Variants in CABP7 observed in about 807,000 individuals in gnomAD.
CABP7 encodes calcium-binding protein 7.
Under a neutral mutation model 23.1 loss-of-function variants are expected in CABP7, and 13 were observed. The observed-to-expected ratio is 0.56, with a 90% confidence interval of 0.37 to 0.90. The LOEUF (loss-of-function observed/expected upper bound fraction) is 0.90, where lower values mean the gene tolerates loss of function less well. Ranked by LOEUF, CABP7 falls within the 40% of genes least tolerant of loss-of-function variation. The probability of loss-of-function intolerance (pLI) is 0.01; values close to 1 mark genes in which losing one functional copy is unlikely to be tolerated. For synonymous variants in CABP7, 123 were observed against 115.3 expected (o/e 1.07, Z -0.43); for missense variants, 248 against 295.6 (o/e 0.84, Z 1.18).
chr22:29,727,571 T>A lies in CABP7; in HGVS notation c.110-91T>A. ...CTGGGTTGGGCTCTCAAGGCCATGC[T>A]CAGGCTGCAGGGTCGGTGATCCTGG... is the stretch of plus-strand genomic sequence containing the variant. On this transcript the variant is annotated intron_variant, in intron 1 of 4. Transcript: ENST00000216144. The surrounding 1 kb of genome is among the most constrained non-coding windows in gnomAD (Gnocchi z 4.2). The A allele has an allele frequency of 6.5e-7, 1 of 1,532,550 alleles. No individual in the cohort carries two copies. Among genetic ancestry groups the A allele is most frequent in the East Asian group, 2.3e-5 (1 of 44,084 alleles). 94.9% of individuals were successfully genotyped at this position (1,532,550 alleles called of 1,614,324 possible).
At chr22:29,729,341 C>T in intron 4 of CABP7, 101 bp from the exon 5 acceptor site, 3 of 1,576,416 alleles carry the variant, frequency 1.9e-6, no homozygotes, top group Non-Finnish European at 1.7e-6. Flanking sequence ...CATTGGGGCA[C>T]CCCATGGGAT....
rs754274299 is a variant in CABP7, at chr22:29,731,215, G to A, written c.*1646G>A. On this transcript the variant is annotated 3_prime_UTR_variant, in exon 5 of 5. Coordinates refer to ENST00000216144, the MANE Select transcript of CABP7 (RefSeq NM_182527.3). ...AGTGACCACGTGGGGGTCAGTCGGGGGCAAGGGGCTCAGCCCCACTGGACT... is the reference window on the plus strand; with the variant it reads ...AGTGACCACGTGGGGGTCAGTCGGGAGCAAGGGGCTCAGCCCCACTGGACT... 103 of 1,490,216 alleles carry A rather than the reference G, an allele frequency of 6.9e-5. No homozygotes were observed. Among genetic ancestry groups the A allele is most frequent in the Non-Finnish European group, 8.8e-5 (100 of 1,130,234 alleles). The allele number at this position is 1,490,216 out of a possible 1,614,324, so 92.3% of individuals were successfully genotyped here.
Position 29,727,712 on chromosome 22 carries a change from T to G in CABP7, c.160T>G (p.Ser54Ala). Residue 54 changes from serine to alanine, a missense_variant, in exon 2 of 5, where the codon TCC becomes GCC. Coordinates refer to ENST00000216144, the MANE Select transcript of CABP7 (RefSeq NM_182527.3). This position sits in a 1 kb window ranked among gnomAD's most constrained non-coding sequence, Gnocchi z 4.2. Reference sequence around the variant, plus strand: ...TGACCGTGACGGCAATGGCTTCATCTCCAAGCAGGAGCTGGGCACAGCCAT... The same window carrying G: ...TGACCGTGACGGCAATGGCTTCATCGCCAAGCAGGAGCTGGGCACAGCCAT... ...VFDRDGNGFI[S>A]KQELGTAMRS... 6.2e-7 allele frequency: 1 copy of G among 1,613,646 alleles called. No individual in the cohort carries two copies. Among genetic ancestry groups the G allele is most frequent in the East Asian group, 2.2e-5 (1 of 44,876 alleles).
rs1490143149 is a variant in CABP7 at position 29,730,394 on chromosome 22, A to G, written c.*825A>G. The stretch of plus-strand genomic sequence containing the variant: ...ACCCCAGCCTAGAGCCTAGAACTGT[A>G]GTCCAGCTGAGGAAGGAGGCAGAGC... On this transcript the variant is annotated 3_prime_UTR_variant, in exon 5 of 5. Transcript: ENST00000216144. 1.3e-5 allele frequency: 2 copies of G among 152,616 alleles called. No individual in the cohort carries two copies. The highest frequency in any genetic ancestry group is 2.4e-5 in the African/African-American group (1 of 41,454). 9.5% of individuals were successfully genotyped at this position (152,616 alleles called of 1,614,324 possible).
At chr22:29,724,609 C>T (rs1275801225) in intron 1 of CABP7, among the ~76,000 whole-genome samples, 1 of 152,118 alleles carries the variant, frequency 6.6e-6, no homozygotes, top group Admixed American at 6.5e-5. Flanking sequence ...TGCCTGAACC[C>T]GGCCTCTGTG....
In CABP7 at chr22:29,728,831, G is replaced by A. The variant is rs1601709190; in HGVS notation, c.366+89G>A. The A allele has an allele frequency of 2.7e-6, 3 of 1,105,212 alleles. No homozygotes were observed. In the South Asian group the frequency reaches 4.0e-5, roughly 15 times the overall value. The allele number at this position is 1,105,212 out of a possible 1,614,324, so 68.5% of individuals were successfully genotyped here. A position where few individuals can be genotyped will look rare whatever the true frequency, so the allele number is the denominator to read the frequency against. On this transcript the variant is annotated intron_variant, in intron 3 of 4. Transcript: ENST00000216144. Reference sequence around the variant, plus strand: ...GAATGGCTGGGCCCACACTGTAAAGGGGGGATGACCACTTCAGGCTTGTGT... The same window carrying A: ...GAATGGCTGGGCCCACACTGTAAAGAGGGGATGACCACTTCAGGCTTGTGT...
At chr22:29,726,608 C>G (rs894752362) in intron 1 of CABP7, among the ~76,000 whole-genome samples, 4 of 152,202 alleles carry the variant, frequency 2.6e-5, no homozygotes, top group African/African-American at 7.2e-5. Flanking sequence ...AGATACACAC[C>G]CTCTCTCACA....
Position 29,731,444 on chromosome 22 carries a change from T to C in CABP7, c.*1875T>C. 2 of 1,478,720 alleles carry C rather than the reference T, an allele frequency of 1.4e-6. No individual in the cohort carries two copies. The highest frequency in any genetic ancestry group is 1.8e-6 in the Non-Finnish European group (2 of 1,126,666). The allele number at this position is 1,478,720 out of a possible 1,614,324, so 91.6% of individuals were successfully genotyped here. A position where few individuals can be genotyped will look rare whatever the true frequency, so the allele number is the denominator to read the frequency against. On this transcript the variant is annotated 3_prime_UTR_variant, in exon 5 of 5. Transcript: ENST00000216144. The stretch of plus-strand genomic sequence containing the variant: ...AGCCCACCTGCCTCACCACCCTGGC[T>C]GTGGGGAGGGTCAGCTGCCTGCATG...
rs149749905 is a variant in CABP7 at position 29,727,790 on chromosome 22, C to T, written c.238C>T (p.Arg80Trp). 24 of 1,610,232 alleles carry T rather than the reference C, an allele frequency of 1.5e-5. No individual in the cohort carries two copies. The highest frequency in any genetic ancestry group is 4.4e-5 in the South Asian group (4 of 90,612). The part of the protein sequence containing the change: ...NEVELEVIIQ[R>W]LDMDGDGQVD... ...GGTGGAGCTGGAGGTCATCATCCAGCGGCTGGACATGGATGGTGAGCACCC... is the reference window on the plus strand; with the variant it reads ...GGTGGAGCTGGAGGTCATCATCCAGTGGCTGGACATGGATGGTGAGCACCC... Residue 80 changes from arginine (R) to tryptophan (W), a missense_variant, in exon 2 of 5, where the codon CGG becomes TGG. Transcript: ENST00000216144. This position sits in a 1 kb window ranked among gnomAD's most constrained non-coding sequence, Gnocchi z 4.2.
intron 1 of CABP7, among the ~76,000 whole-genome samples, chr22:29,721,806 A>G (rs990740570): frequency 6.6e-6 from 1 of 152,162 alleles, no homozygotes; most frequent in East Asian, 1.9e-4. Context: ...GCAAACCCTC[A>G]GAAGCGGGGA....
intron 1 of CABP7, among the ~76,000 whole-genome samples, chr22:29,725,392 G>A (rs1013556583): frequency 2.6e-5 from 4 of 152,278 alleles, no homozygotes; most frequent in South Asian, 4.1e-4. Context: ...AGAGAACTGC[G>A]TGCTTCAGAT....
At position 29,731,376 on chromosome 22, in the gene CABP7, G is replaced by A. The variant is rs2232904; in HGVS notation, c.*1807G>A. On this transcript the variant is annotated 3_prime_UTR_variant, in exon 5 of 5. Coordinates refer to ENST00000216144, the MANE Select transcript of CABP7 (RefSeq NM_182527.3). ...AGCCCTAGAGAGAGAGAGAGAAGCG[G>A]GGAGAATAAGAGTGCACTACAGCCC... The A allele has an allele frequency of 3.4e-3, 5,204 of 1,542,694 alleles. 165 individuals are homozygous for A. In the African/African-American group the frequency reaches 0.068, roughly 20 times the overall value.
At chr22:29,726,254 A>G (rs1220220738) in intron 1 of CABP7, among the ~76,000 whole-genome samples, 2 of 152,114 alleles carry the variant, frequency 1.3e-5, no homozygotes, top group Non-Finnish European at 2.9e-5. Flanking sequence ...TTGGGTGTGG[A>G]CACCAGTGGG....
At chr22:29,726,346 G>A (rs2067795538) in intron 1 of CABP7, among the ~76,000 whole-genome samples, 1 of 152,194 alleles carries the variant, frequency 6.6e-6, no homozygotes, top group Non-Finnish European at 1.5e-5. Context: ...TCCGGGCCAT[G>A]GCCCCTAGTC....
Position 29,731,051 on chromosome 22 carries a change from G to T in CABP7, c.*1482G>T. On this transcript the variant is annotated 3_prime_UTR_variant, in exon 5 of 5. Coordinates refer to ENST00000216144, the MANE Select transcript of CABP7 (RefSeq NM_182527.3). ...GGTGGAGGAGAGTGAGGGGAGAGCT[G>T]CCCGGTGCAGACCCAGGACGAGGGC... The T allele has an allele frequency of 1.7e-6, 1 of 573,758 alleles. No individual in the cohort carries two copies. Among genetic ancestry groups the T allele is most frequent in the Non-Finnish European group, 2.8e-6 (1 of 354,966 alleles). The allele number at this position is 573,758 out of a possible 1,614,324, so 35.5% of individuals were successfully genotyped here.
Position 29,720,645 on chromosome 22 carries a change from T to C in CABP7, c.109+112T>C. On this transcript the variant is annotated intron_variant, in intron 1 of 4. Coordinates refer to ENST00000216144, the MANE Select transcript of CABP7 (RefSeq NM_182527.3). This position sits in a 1 kb window ranked among gnomAD's most constrained non-coding sequence, Gnocchi z 5.2. The stretch of plus-strand genomic sequence containing the variant: ...GCGGGGGGCGGTCCGCAGGTGCCGG[T>C]TGCCAGGTGGGCGCCCCAGCTAGCA... The C allele has an allele frequency of 1.8e-6, 1 of 558,016 alleles. No homozygotes were observed. The highest frequency in any genetic ancestry group is 2.7e-5 in the South Asian group (1 of 36,788). 34.6% of individuals were successfully genotyped at this position (558,016 alleles called of 1,614,324 possible). A position where few individuals can be genotyped will look rare whatever the true frequency, so the allele number is the denominator to read the frequency against.
intron 1 of CABP7, among the ~76,000 whole-genome samples, chr22:29,721,319 G>C (rs765995189): frequency 6.6e-6 from 1 of 152,298 alleles, no homozygotes. Flanking sequence ...GTCCGGGACA[G>C]TGTGTCCTGA....
chr22:29,726,941 C>A (rs2067799272), intron 1 of CABP7, among the ~76,000 whole-genome samples: 1 of 152,210 alleles, frequency 6.6e-6, no homozygotes, highest in Non-Finnish European at 1.5e-5. Flanking sequence ...GAGGCTGGCC[C>A]AAGGTCACAG....
At position 29,729,761 on chromosome 22, in the gene CABP7, C is replaced by T. The variant is rs546390297; in HGVS notation, c.*192C>T. 47 of 703,178 alleles carry T rather than the reference C, an allele frequency of 6.7e-5. No homozygotes were observed. Among genetic ancestry groups the T allele is most frequent in the East Asian group, 6.6e-4 (24 of 36,110 alleles). 43.6% of individuals were successfully genotyped at this position (703,178 alleles called of 1,614,324 possible). On this transcript the variant is annotated 3_prime_UTR_variant, in exon 5 of 5. Coordinates refer to ENST00000216144, the MANE Select transcript of CABP7 (RefSeq NM_182527.3). Reference sequence around the variant, plus strand: ...GAGCTGTGGCCTGGCTGTGGAGGGCCGGGTGGTGGCTCTGAGGATGGTCCC... The same window carrying T: ...GAGCTGTGGCCTGGCTGTGGAGGGCTGGGTGGTGGCTCTGAGGATGGTCCC...
Sources: allele counts gnomAD v4.1 joint callset (sites outside exome capture counted in the v4.1 genomes callset), GRCh38; gene constraint gnomAD v4.1.1; non-coding constraint Gnocchi (gnomAD v3.1); transcripts MANE v1.5; gene names NCBI Gene and HGNC (gene_info 2026-07-23, HGNC 2026-07-21).